Variants in GPC3 observed in about 807,000 individuals in gnomAD.
GPC3 encodes glypican-3.
In GPC3, 3 loss-of-function variants were observed where a neutral mutation model predicts 34.4. That is an observed-to-expected ratio of 0.09 (90% confidence interval 0.04 to 0.23). GPC3 has a LOEUF of 0.23. Among genes scored for constraint, GPC3 ranks in the 10% least tolerant of loss-of-function variants. The pLI, the probability that GPC3 is intolerant of heterozygous loss-of-function variation, is 1.00. For missense variants in GPC3, 351 were observed against 445.6 expected (o/e 0.79, Z 1.91); for synonymous variants, 177 against 174.0 (o/e 1.02, Z -0.13).
At chrX:133,584,166 C>T (rs1383061430) in intron 7 of GPC3, among the ~76,000 whole-genome samples, 1 of 112,237 alleles carries the variant, frequency 8.9e-6, no homozygotes, top group East Asian at 2.8e-4. Context: ...GTGAAGCACA[C>T]TGTTGCCCTA....
intron 7 of GPC3, among the ~76,000 whole-genome samples, chrX:133,581,394 T>C (rs1169256377): frequency 8.9e-6 from 1 of 111,949 alleles, no homozygotes; most frequent in African/African-American, 3.2e-5. Flanking sequence ...TGATTTAAAC[T>C]TAGAAACTTT....
chrX:133,932,199 C>A (rs1053655766), intron 2 of GPC3, among the ~76,000 whole-genome samples: 3 of 112,398 alleles, frequency 2.7e-5, no homozygotes, highest in Non-Finnish European at 5.6e-5. Context: ...TAGACAGTAG[C>A]CTGATTATAA....
At chrX:133,760,016 G>C (rs1287977854) in intron 2 of GPC3, among the ~76,000 whole-genome samples, 1 of 110,709 alleles carries the variant, frequency 9.0e-6, no homozygotes, top group Non-Finnish European at 1.9e-5. Flanking sequence ...TACAGATGGG[G>C]AAAAAAAACT....
chrX:133,891,920 T>C (rs1223284863), intron 2 of GPC3, among the ~76,000 whole-genome samples: 2 of 111,218 alleles, frequency 1.8e-5, no homozygotes, highest in Non-Finnish European at 3.8e-5. Context: ...TTCCTCTAAG[T>C]AGCGAATCTG....
chrX:133,953,603 C>A (rs771732206), intron 1 of GPC3, among the ~76,000 whole-genome samples: 9 of 111,658 alleles, frequency 8.1e-5, no homozygotes, highest in Non-Finnish European at 1.7e-4. Context: ...AGAAGACAAC[C>A]AAGAAACAAT....
intron 2 of GPC3, among the ~76,000 whole-genome samples, chrX:133,932,138 T>C: frequency 8.9e-6 from 1 of 112,370 alleles, no homozygotes; most frequent in East Asian, 2.8e-4. Flanking sequence ...ACTTGCTATT[T>C]CTACAGATGC....
At chrX:133,624,758 C>G (rs778699618) in intron 6 of GPC3, among the ~76,000 whole-genome samples, 1 of 111,338 alleles carries the variant, frequency 9.0e-6, no homozygotes, top group South Asian at 3.8e-4. Context: ...ACCATTCCTT[C>G]TGAAACTATT....
intron 6 of GPC3, among the ~76,000 whole-genome samples, chrX:133,598,218 T>C (rs933901929): frequency 3.6e-5 from 4 of 111,350 alleles, no homozygotes; most frequent in Admixed American, 2.9e-4. Flanking sequence ...AGTGGCATGA[T>C]CATGGCTCAC....
intron 2 of GPC3, among the ~76,000 whole-genome samples, chrX:133,807,396 C>G (rs1457758902): frequency 8.9e-6 from 1 of 111,910 alleles, no homozygotes; most frequent in African/African-American, 3.3e-5. Flanking sequence ...AACTATAAGC[C>G]AAACAAATGT....
At chrX:133,733,542 G>A (rs1311567340) in intron 3 of GPC3, among the ~76,000 whole-genome samples, 1 of 111,248 alleles carries the variant, frequency 9.0e-6, no homozygotes, top group Non-Finnish European at 1.9e-5. Flanking sequence ...ACAAATTAGA[G>A]TGAAAATCAG....
chrX:133,814,565 GTTATTA>G (rs1349361462), intron 2 of GPC3, among the ~76,000 whole-genome samples: 1 of 108,865 alleles, frequency 9.2e-6, no homozygotes, highest in Non-Finnish European at 1.9e-5. Context: ...AATTTTTATT[GTTATTA>G]TTATTATTAT....
At chrX:133,936,015 C>T (rs1198802440) in intron 2 of GPC3, among the ~76,000 whole-genome samples, 2 of 109,286 alleles carry the variant, frequency 1.8e-5, no homozygotes, top group East Asian at 2.9e-4. Context: ...CAGGCTGAAG[C>T]GATCCTCCCA....
chrX:133,600,184 T>C (rs899589439), intron 6 of GPC3, among the ~76,000 whole-genome samples: 1 of 112,203 alleles, frequency 8.9e-6, no homozygotes, highest in Non-Finnish European at 1.9e-5. Context: ...ATATATGTGC[T>C]ATTGAACTGA....
intron 6 of GPC3, among the ~76,000 whole-genome samples, chrX:133,597,087 A>G (rs767329456): frequency 4.1e-4 from 46 of 112,302 alleles, no homozygotes; most frequent in Non-Finnish European, 7.5e-4. Flanking sequence ...TACAATGACT[A>G]CTTACAATCA....
At chrX:133,933,381 G>A (rs922108045) in intron 2 of GPC3, among the ~76,000 whole-genome samples, 4 of 110,923 alleles carry the variant, frequency 3.6e-5, no homozygotes, top group Admixed American at 1.9e-4. Context: ...TCACCTGCAG[G>A]TTTAGAAAAG....
At chrX:133,862,642 A>G (rs2075943218) in intron 2 of GPC3, among the ~76,000 whole-genome samples, 2 of 110,497 alleles carry the variant, frequency 1.8e-5, no homozygotes, top group Middle Eastern at 4.8e-3. Flanking sequence ...GTGAGCCGAG[A>G]TCGCACCACT....
intron 2 of GPC3, among the ~76,000 whole-genome samples, chrX:133,852,581 A>G (rs763007388): frequency 7.2e-5 from 8 of 111,641 alleles, no homozygotes; most frequent in African/African-American, 2.6e-4. Context: ...GGGAAACTAA[A>G]AAATAGGAAT....
chrX:133,638,252 CAA>C (rs2070448093), intron 6 of GPC3, among the ~76,000 whole-genome samples: 1 of 111,675 alleles, frequency 9.0e-6, no homozygotes, highest in Admixed American at 9.5e-5. Flanking sequence ...CATGATAAAA[CAA>C]GAGAAAAACC....
chrX:133,891,096 G>A (rs12838007), intron 2 of GPC3, among the ~76,000 whole-genome samples: 5,834 of 110,787 alleles, frequency 0.053, 151 homozygotes, highest in Middle Eastern at 0.1. Flanking sequence ...ATATTATATA[G>A]CCATAAAAAG....
Sources: allele counts gnomAD v4.1 joint callset (sites outside exome capture counted in the v4.1 genomes callset), GRCh38; gene constraint gnomAD v4.1.1; transcripts MANE v1.5; gene names NCBI Gene and HGNC (gene_info 2026-07-23, HGNC 2026-07-21).